The following GALNTL6 variants were observed in gnomAD, a reference collection of about 807,000 sequenced individuals.
GALNTL6 encodes polypeptide N-acetylgalactosaminyltransferase like 6.
Under a neutral mutation model 73.7 loss-of-function variants are expected in GALNTL6, and 46 were observed. The ratio of observed to expected loss-of-function variants is 0.62; its 90% CI spans 0.49 to 0.80. GALNTL6 has a LOEUF of 0.80. Ranked by LOEUF, GALNTL6 falls within the 30% of genes least tolerant of loss-of-function variation. GALNTL6 has a pLI of 0.00. For missense variants in GALNTL6, 604 were observed against 755.0 expected (o/e 0.80, Z 2.34); for synonymous variants, 259 against 263.7 (o/e 0.98, Z 0.17).
intron 5 of GALNTL6, among the ~76,000 whole-genome samples, chr4:172,741,924 G>A (rs939917622): frequency 6.6e-6 from 1 of 151,674 alleles, no homozygotes; most frequent in East Asian, 1.9e-4. Flanking sequence ...CCTAAAGAAT[G>A]AAGTTTAGCT....
At chr4:172,304,034 T>G (rs1411164540) in intron 3 of GALNTL6, among the ~76,000 whole-genome samples, 2 of 151,690 alleles carry the variant, frequency 1.3e-5, no homozygotes, top group African/African-American at 2.4e-5. Context: ...CAGCTCTCAA[T>G]GCTCCTAGAT....
chr4:172,589,584 C>T (rs779282552), intron 5 of GALNTL6, among the ~76,000 whole-genome samples: 35 of 152,140 alleles, frequency 2.3e-4, no homozygotes, highest in Non-Finnish European at 4.3e-4. Flanking sequence ...TTTTACCTCC[C>T]GAAAGGAACA....
chr4:172,206,928 G>T (rs531379451), intron 2 of GALNTL6, among the ~76,000 whole-genome samples: 2 of 148,382 alleles, frequency 1.3e-5, no homozygotes, highest in South Asian at 4.3e-4. Context: ...GGCTATTCTC[G>T]TGCCTCAGCC....
At chr4:172,365,800 T>C (rs371855086) in intron 5 of GALNTL6, among the ~76,000 whole-genome samples, 29 of 152,190 alleles carry the variant, frequency 1.9e-4, no homozygotes, top group East Asian at 1.7e-3. Context: ...GTTAATTTGG[T>C]AACCTTGACA....
intron 5 of GALNTL6, among the ~76,000 whole-genome samples, chr4:172,741,160 C>G (rs550750548): frequency 6.6e-6 from 1 of 151,998 alleles, no homozygotes; most frequent in Non-Finnish European, 1.5e-5. Context: ...GGGTTTTGCT[C>G]CTCCTTGGGC....
rs182752980 is a variant in GALNTL6 at position 172,642,284 on chromosome 4, C to T, written c.554-167077C>T. 7.8e-4 allele frequency among the ~76,000 whole-genome samples: 118 copies of T among 152,056 alleles called. 1 individual carries two copies. The South Asian group carries it at 0.016, about 20-fold the overall frequency. ...AAAGAGATATCTGCACTTCCATATT[C>T]GTTGCAGCATTATTCACAATAACTA... On this transcript the variant is annotated intron_variant, in intron 5 of 12. Transcript: ENST00000506823.
chr4:172,740,639 T>G (rs1050557758), intron 5 of GALNTL6, among the ~76,000 whole-genome samples: 1 of 152,180 alleles, frequency 6.6e-6, no homozygotes, highest in African/African-American at 2.4e-5. Context: ...GCTCTCATAT[T>G]GTAAACAAGA....
At chr4:172,396,619 G>C in intron 5 of GALNTL6, among the ~76,000 whole-genome samples, 1 of 152,098 alleles carries the variant, frequency 6.6e-6, no homozygotes. Context: ...GTACAGTTAT[G>C]TTTGTGACAT....
intron 5 of GALNTL6, among the ~76,000 whole-genome samples, chr4:172,478,660 G>A (rs555808409): frequency 6.6e-6 from 1 of 152,134 alleles, no homozygotes; most frequent in Admixed American, 6.5e-5. Context: ...ATGAATAAAT[G>A]AGATAAACTA....
At chr4:172,807,004 C>T (rs907374789) in intron 5 of GALNTL6, among the ~76,000 whole-genome samples, 5 of 152,192 alleles carry the variant, frequency 3.3e-5, no homozygotes, top group African/African-American at 1.2e-4. Flanking sequence ...ATAACGGCGT[C>T]CTTGTATTGG....
rs1180715814 is a variant in GALNTL6, at chr4:172,605,793, A to G, written c.554-203568A>G. ...CATTAGGCATGTGGACACATTGAAGAGTGAGGAGGCTGGATTTAATACGTG... is the reference window on the plus strand; with the variant it reads ...CATTAGGCATGTGGACACATTGAAGGGTGAGGAGGCTGGATTTAATACGTG... On this transcript the variant is annotated intron_variant, in intron 5 of 12. Transcript: ENST00000506823. Among the ~76,000 whole-genome samples the G allele has an allele frequency of 2.0e-5, 3 of 152,106 alleles. No individual in the cohort carries two copies. In the East Asian group the frequency reaches 5.8e-4, roughly 29 times the overall value.
intron 5 of GALNTL6, among the ~76,000 whole-genome samples, chr4:172,719,665 A>C (rs571674643): frequency 6.4e-4 from 97 of 152,286 alleles, no homozygotes; most frequent in African/African-American, 2.2e-3. Flanking sequence ...TATGTAATCT[A>C]TGATTACTAC....
chr4:172,652,849 G>T (rs1003573018), intron 5 of GALNTL6, among the ~76,000 whole-genome samples: 2 of 151,982 alleles, frequency 1.3e-5, no homozygotes, highest in Non-Finnish European at 2.9e-5. Context: ...ATATAAGAAG[G>T]TTTTCTGTTT....
In GALNTL6 at chr4:172,647,253, G is replaced by C. The variant is rs564558231; in HGVS notation, c.554-162108G>C. Among the ~76,000 whole-genome samples, 101 of 152,152 alleles carry C rather than the reference G, an allele frequency of 6.6e-4. 1 individual carries two copies. The highest frequency in any genetic ancestry group is 2.4e-3 in the African/African-American group (101 of 41,534). On this transcript the variant is annotated intron_variant, in intron 5 of 12. Transcript: ENST00000506823. ...TAGGTTTGGTGAGGAGCTTCACAGA[G>C]TAAAGCAAACTTTAGAAATTATATC...
rs745862164 is a variant in GALNTL6 at position 171,960,688 on chromosome 4, T to TGA, written c.138+145970_138+145971insGA. Among the ~76,000 whole-genome samples, 610 of 129,470 alleles carry TGA rather than the reference T, an allele frequency of 4.7e-3. 3 individuals are homozygous for TGA. Among genetic ancestry groups the TGA allele is most frequent in the African/African-American group, 0.017 (578 of 33,032 alleles). The allele number at this position is 129,470 out of a possible 152,430, so 84.9% of individuals were successfully genotyped here. On this transcript the variant is annotated intron_variant, in intron 2 of 12. Transcript: ENST00000506823. Reference sequence around the variant, plus strand: ...ACTCAGAGAAATGACTGTCTTTATTTAAAAAAAAAAAAAAAAAAAAAAGTC... The same window carrying TGA: ...ACTCAGAGAAATGACTGTCTTTATTTGAAAAAAAAAAAAAAAAAAAAAAAGTC...
At chr4:172,903,755 C>G (rs946734847) in intron 8 of GALNTL6, among the ~76,000 whole-genome samples, 22 of 152,250 alleles carry the variant, frequency 1.4e-4, no homozygotes, top group African/African-American at 4.6e-4. Context: ...TAAAAGCAAT[C>G]TTAATGCAGT....
intron 5 of GALNTL6, among the ~76,000 whole-genome samples, chr4:172,648,882 C>T (rs967380882): frequency 6.6e-6 from 1 of 152,122 alleles, no homozygotes; most frequent in Non-Finnish European, 1.5e-5. Flanking sequence ...AAAATCTTAA[C>T]TTTTTTCCTG....
At chr4:172,248,752 T>A (rs887866180) in intron 3 of GALNTL6, among the ~76,000 whole-genome samples, 12 of 152,112 alleles carry the variant, frequency 7.9e-5, no homozygotes, top group African/African-American at 2.7e-4. Context: ...TTTCACGAGA[T>A]CTGATGGTTT....
intron 2 of GALNTL6, among the ~76,000 whole-genome samples, chr4:171,898,204 A>G (rs1560831234): frequency 6.6e-6 from 1 of 152,132 alleles, no homozygotes; most frequent in African/African-American, 2.4e-5. Context: ...AAAAATAAAA[A>G]GACTTATAAT....
Sources: gnomAD v4.1 joint callset for allele counts (sites outside exome capture counted in the v4.1 genomes callset) on GRCh38, gnomAD v4.1.1 for gene constraint, MANE v1.5 for transcripts, NCBI Gene and HGNC (gene_info 2026-07-23, HGNC 2026-07-21) for gene names.